WDR72: variants seen among roughly 807,000 people sequenced by gnomAD.
WDR72 encodes WD repeat domain 72.
In WDR72, 120 loss-of-function variants were observed where a neutral mutation model predicts 124.2. The ratio of observed to expected loss-of-function variants is 0.97; its 90% CI spans 0.83 to 1.12. The LOEUF is 1.12. Among genes scored for constraint, WDR72 ranks in the 50% most tolerant of loss-of-function variants. The pLI is 0.00. For synonymous variants in WDR72, 452 were observed against 441.7 expected (o/e 1.02, Z -0.29); for missense variants, 1,387 against 1,278.8 (o/e 1.08, Z -1.29).
intron 13 of WDR72, among the ~76,000 whole-genome samples, chr15:53,668,965 G>GAGGAGGAGA (rs2015883715): frequency 2.6e-5 from 1 of 38,588 alleles, no homozygotes; most frequent in African/African-American, 6.3e-5. Flanking sequence ...GGAGGAGAAG[G>GAGGAGGAGA]AGGAGGAGGA....
intron 18 of WDR72, among the ~76,000 whole-genome samples, chr15:53,575,928 A>G (rs1489996062): frequency 6.6e-6 from 1 of 152,176 alleles, no homozygotes; most frequent in African/African-American, 2.4e-5. Context: ...AAAAGAAGAC[A>G]TCACTGGAGC....
At chr15:53,705,864 A>G in intron 10 of WDR72, 63 bp downstream of exon 10, 2 of 1,599,644 alleles carry the variant, frequency 1.3e-6, no homozygotes, top group Admixed American at 1.7e-5. Flanking sequence ...ACTTAGAAGA[A>G]CAATGAATTA....
intron 13 of WDR72, among the ~76,000 whole-genome samples, chr15:53,686,830 A>G (rs1274800417): frequency 0.017 from 2,504 of 149,264 alleles, 27 homozygotes; most frequent in East Asian, 0.047. Flanking sequence ...TCCTCAGCAA[A>G]TGTAAAAGAA....
chr15:53,520,306 A>G (rs1449669165), intron 19 of WDR72, among the ~76,000 whole-genome samples: 1 of 152,090 alleles, frequency 6.6e-6, no homozygotes, highest in East Asian at 1.9e-4. Flanking sequence ...TAATAATTAT[A>G]TTAGTCATTT....
At chr15:53,712,959 GCTTC>G in intron 6 of WDR72, 68 bp from the exon 7 acceptor site, 1 of 1,562,234 alleles carries the variant, frequency 6.4e-7, no homozygotes, top group Admixed American at 1.7e-5. Flanking sequence ...GAGAAGACCT[GCTTC>G]CCGTACATCT....
intron 14 of WDR72, among the ~76,000 whole-genome samples, chr15:53,656,961 A>G (rs1017588139): frequency 6.6e-6 from 1 of 152,026 alleles, no homozygotes; most frequent in Non-Finnish European, 1.5e-5. Context: ...GAGAGGCTAC[A>G]TGTTTTTAAA....
chr15:53,701,116 A>AAG (rs138330911), intron 12 of WDR72, among the ~76,000 whole-genome samples: 2,539 of 152,262 alleles, frequency 0.017, 64 homozygotes, highest in African/African-American at 0.059. Flanking sequence ...CAAAAGCTGA[A>AAG]TTTAAGTTGA....
At chr15:53,755,675 C>T (rs2018883049) in intron 1 of WDR72, among the ~76,000 whole-genome samples, 1 of 152,184 alleles carries the variant, frequency 6.6e-6, no homozygotes, top group African/African-American at 2.4e-5. Context: ...CACTTCCTGT[C>T]CCATGATGCT....
At chr15:53,696,204 G>A (rs1292709071) in intron 13 of WDR72, among the ~76,000 whole-genome samples, 2 of 152,130 alleles carry the variant, frequency 1.3e-5, no homozygotes, top group Admixed American at 6.6e-5. Flanking sequence ...AATGAAAGTA[G>A]GAATAGGTCT....
Position 53,690,540 on chromosome 15 carries a change from T to C in WDR72, c.1765+9210A>G, listed in dbSNP as rs575087076. Among the ~76,000 whole-genome samples the C allele has an allele frequency of 1.1e-4, 16 of 152,332 alleles. No individual in the cohort carries two copies. The South Asian group carries it at 3.1e-3, about 30-fold the overall frequency. ...ATATAAAAAAGAATCATACAATATG[T>C]GCATTTTTGTGTATGTCTGACTTCT... is the stretch of plus-strand genomic sequence containing the variant. On this transcript the variant is annotated intron_variant, in intron 13 of 19. Coordinates refer to ENST00000360509, the MANE Select transcript of WDR72 (RefSeq NM_182758.4).
At chr15:53,576,697 G>A (rs952636126) in intron 18 of WDR72, among the ~76,000 whole-genome samples, 4 of 152,040 alleles carry the variant, frequency 2.6e-5, no homozygotes, top group Admixed American at 1.3e-4. Flanking sequence ...GGAACCTAGG[G>A]AAAATTGAAC....
chr15:53,759,493 T>G (rs906352450), intron 1 of WDR72, 140 bp downstream of exon 1: 1 of 152,302 alleles, frequency 6.6e-6, no homozygotes, highest in African/African-American at 2.4e-5. Flanking sequence ...CCGGCCCAGC[T>G]GTATCCAAGC....
intron 1 of WDR72, among the ~76,000 whole-genome samples, chr15:53,741,726 T>C (rs2018514148): frequency 6.9e-6 from 1 of 143,954 alleles, no homozygotes; most frequent in Non-Finnish European, 1.5e-5. Flanking sequence ...AGAAATGTGA[T>C]CCAGATTTTT....
intron 18 of WDR72, among the ~76,000 whole-genome samples, chr15:53,590,753 A>C (rs911395407): frequency 6.6e-6 from 1 of 152,044 alleles, no homozygotes; most frequent in Admixed American, 6.6e-5. Flanking sequence ...TTTTCTCATC[A>C]ATAAAGTGGA....
At chr15:53,632,864 C>T (rs1384124731) in intron 14 of WDR72, among the ~76,000 whole-genome samples, 2 of 152,204 alleles carry the variant, frequency 1.3e-5, no homozygotes, top group African/African-American at 4.8e-5. Flanking sequence ...TGAGTATTTA[C>T]CCAATGTTTG....
At chr15:53,744,966 A>G (rs2018606700) in intron 1 of WDR72, among the ~76,000 whole-genome samples, 2 of 151,546 alleles carry the variant, frequency 1.3e-5, no homozygotes, top group African/African-American at 4.9e-5. Flanking sequence ...TCTGATTCTG[A>G]GTTCATCATT....
Position 53,731,270 on chromosome 15 carries a change from G to A in WDR72, c.153+1727C>T, listed in dbSNP as rs1254503340. On this transcript the variant is annotated intron_variant, in intron 2 of 19. Transcript: ENST00000360509. ...TCTCTTTGATCCTTTTTCACACCTA[G>A]GTTAAGGCAACAAACAGCTCCTCCC... is the stretch of plus-strand genomic sequence containing the variant. Among the ~76,000 whole-genome samples the A allele has an allele frequency of 2.0e-5, 3 of 151,848 alleles. No individual in the cohort carries two copies. In the East Asian group the frequency reaches 5.9e-4, roughly 30 times the overall value.
At chr15:53,658,144 T>G (rs2015491387) in intron 14 of WDR72, among the ~76,000 whole-genome samples, 1 of 152,174 alleles carries the variant, frequency 6.6e-6, no homozygotes, top group African/African-American at 2.4e-5. Context: ...TAGAAATGAT[T>G]TAAATAAATT....
intron 18 of WDR72, among the ~76,000 whole-genome samples, chr15:53,563,237 G>A (rs1378896765): frequency 6.6e-6 from 1 of 151,666 alleles, no homozygotes; most frequent in Admixed American, 6.6e-5. Flanking sequence ...CACATCCTTA[G>A]AACTTTATGA....
Sources: gnomAD v4.1 joint callset for allele counts (sites outside exome capture counted in the v4.1 genomes callset) on GRCh38, gnomAD v4.1.1 for gene constraint, MANE v1.5 for transcripts, NCBI Gene and HGNC (gene_info 2026-07-23, HGNC 2026-07-21) for gene names.